Variants in PHLDB2 observed in about 807,000 individuals in gnomAD.
PHLDB2 encodes the protein pleckstrin homology like domain family B member 2.
In PHLDB2, 71 loss-of-function variants were observed where a neutral mutation model predicts 123.6. That is an observed-to-expected ratio of 0.57 (90% confidence interval 0.47 to 0.70). The LOEUF (loss-of-function observed/expected upper bound fraction) is 0.70. Among genes scored for constraint, PHLDB2 ranks in the 30% least tolerant of loss-of-function variants. The pLI, the probability that PHLDB2 is intolerant of heterozygous loss-of-function variation, is 0.00. For synonymous variants in PHLDB2, 547 were observed against 541.6 expected (o/e 1.01, Z -0.14); for missense variants, 1,446 against 1,519.5 (o/e 0.95, Z 0.80).
chr3:111,907,920 C>T (rs2067649432), intron 2 of PHLDB2, among the ~76,000 whole-genome samples: 1 of 152,186 alleles, frequency 6.6e-6, no homozygotes, highest in Non-Finnish European at 1.5e-5. Flanking sequence ...CCTTAGCCTT[C>T]CAAGTAGCTG....
At chr3:111,774,801 T>A (rs6800047) in intron 1 of PHLDB2, among the ~76,000 whole-genome samples, 40,633 of 151,964 alleles carry the variant, frequency 0.27, 6,875 homozygotes, top group African/African-American at 0.48. Context: ...ATTTTCATGA[T>A]CCAGCTCTTT....
At chr3:111,754,021 G>T (rs2059834541) in intron 1 of PHLDB2, among the ~76,000 whole-genome samples, 1 of 152,022 alleles carries the variant, frequency 6.6e-6, no homozygotes, top group South Asian at 2.1e-4. Context: ...CTCTGTTTTG[G>T]TACCAGTACC....
At chr3:111,832,800 A>C (rs189765508) in intron 1 of PHLDB2, among the ~76,000 whole-genome samples, 21 of 38,438 alleles carry the variant, frequency 5.5e-4, no homozygotes, top group Admixed American at 9.5e-4. Context: ...TAATATATAT[A>C]ATAGAATTAT....
chr3:111,907,790 C>A (rs1264813658), intron 2 of PHLDB2, among the ~76,000 whole-genome samples: 1 of 152,006 alleles, frequency 6.6e-6, no homozygotes, highest in African/African-American at 2.4e-5. Flanking sequence ...CCGTGGTCAG[C>A]TATTTTTTTC....
rs181695552 is a variant in PHLDB2, at chr3:111,976,478, T to G, written c.*1915T>G. ...CTGAAAAACTCTGACATCATATTGTTGTCTGTTTACACAGATACATTTATT... is the reference window on the plus strand; with the variant it reads ...CTGAAAAACTCTGACATCATATTGTGGTCTGTTTACACAGATACATTTATT... On this transcript the variant is annotated 3_prime_UTR_variant, in exon 18 of 18. Coordinates refer to ENST00000431670, the MANE Select transcript of PHLDB2 (RefSeq NM_001134438.2). 6.6e-6 allele frequency: 1 copy of G among 152,334 alleles called. No individual in the cohort carries two copies. The highest frequency in any genetic ancestry group is 6.5e-5 in the Admixed American group (1 of 15,308). 9.4% of individuals were successfully genotyped at this position (152,334 alleles called of 1,614,324 possible). A position where few individuals can be genotyped will look rare whatever the true frequency, so the allele number is the denominator to read the frequency against.
In PHLDB2 at chr3:111,884,925, G is replaced by A. The variant is rs770741178; in HGVS notation, c.848G>A (p.Arg283Gln). ...AGAAACTCTCTGGGCAATTCCAAAC[G>A]AACAAAACTTGGGGAAAAGGATCTA... is the stretch of plus-strand genomic sequence containing the variant. ...PPRNSLGNSK[R>Q]TKLGEKDLPH... The change falls in exon 2 of 18, where the codon CGA becomes CAA. Residue 283 changes from arginine (R) to glutamine (Q), a missense_variant. Arg to Gln is a conservative substitution (Grantham distance 43). This residue lies in a region of PHLDB2 where 832 missense variants were observed against 831.9 expected (regional missense o/e 1.00). Transcript: ENST00000431670. 7 of 1,613,792 alleles carry A rather than the reference G, an allele frequency of 4.3e-6. No homozygotes were observed. The highest frequency in any genetic ancestry group is 3.3e-4 in the Middle Eastern group (2 of 6,084).
intron 16 of PHLDB2, among the ~76,000 whole-genome samples, chr3:111,972,382 ACT>A (rs1239213686): frequency 1.3e-5 from 2 of 152,060 alleles, no homozygotes; most frequent in African/African-American, 4.8e-5. Flanking sequence ...AAATAGTTTT[ACT>A]CTCTGCTGAA....
At chr3:111,873,860 C>T (rs57821301) in intron 1 of PHLDB2, among the ~76,000 whole-genome samples, 10,098 of 152,178 alleles carry the variant, frequency 0.066, 367 homozygotes, top group Middle Eastern at 0.078. Flanking sequence ...AGGCATGCTG[C>T]TTGGACCCAG....
intron 1 of PHLDB2, among the ~76,000 whole-genome samples, chr3:111,780,636 C>A (rs2060440296): frequency 1.3e-5 from 2 of 151,932 alleles, no homozygotes; most frequent in African/African-American, 4.8e-5. Flanking sequence ...CATCTCAGAA[C>A]CATATGAGTT....
intron 1 of PHLDB2, among the ~76,000 whole-genome samples, chr3:111,747,825 T>C (rs2059704347): frequency 1.3e-5 from 2 of 152,254 alleles, no homozygotes; most frequent in East Asian, 1.9e-4. Flanking sequence ...TGTGTCTTTT[T>C]GTATAACTAA....
At position 111,919,082 on chromosome 3, in the gene PHLDB2, G is replaced by T; in HGVS notation, c.1730G>T (p.Gly577Val). 6.2e-7 allele frequency: 1 copy of T among 1,613,922 alleles called. No individual in the cohort carries two copies. The highest frequency in any genetic ancestry group is 8.5e-7 in the Non-Finnish European group (1 of 1,179,800). ...YLSILPKTPE[G>V]ISEEQRSQEL... ...GTTGATTAATCGCAGACCCCAGAGG[G>T]TATAAGTGAAGAACAGAGATCTCAG... Residue 577 changes from glycine to valine, a missense_variant, in exon 4 of 18, where the codon GGT becomes GTT. Transcript: ENST00000431670.
Position 111,976,027 on chromosome 3 carries a change from T to A in PHLDB2, c.*1464T>A, listed in dbSNP as rs1437754078. On this transcript the variant is annotated 3_prime_UTR_variant, in exon 18 of 18. Coordinates refer to ENST00000431670, the MANE Select transcript of PHLDB2 (RefSeq NM_001134438.2). ...ACAAAAATCATGATTGTGGAAGATATTTTTAAAATCTGATTTTGCAGCGAT... is the reference window on the plus strand; with the variant it reads ...ACAAAAATCATGATTGTGGAAGATAATTTTAAAATCTGATTTTGCAGCGAT... 1 of 152,688 alleles carries A rather than the reference T, an allele frequency of 6.5e-6. No homozygotes were observed. The highest frequency in any genetic ancestry group is 1.5e-5 in the Non-Finnish European group (1 of 68,040). The allele number at this position is 152,688 out of a possible 1,614,324, so 9.5% of individuals were successfully genotyped here. A position where few individuals can be genotyped will look rare whatever the true frequency, so the allele number is the denominator to read the frequency against.
intron 13 of PHLDB2, among the ~76,000 whole-genome samples, chr3:111,962,960 A>AAAAGAAAAGG (rs2071508265): frequency 6.6e-6 from 1 of 151,984 alleles, no homozygotes; most frequent in South Asian, 2.1e-4. Context: ...GAAAGAAAGA[A>AAAAGAAAAGG]AAAGAAAAGG....
intron 1 of PHLDB2, among the ~76,000 whole-genome samples, chr3:111,874,881 A>C (rs1039770289): frequency 5.3e-5 from 8 of 152,232 alleles, no homozygotes; most frequent in African/African-American, 1.9e-4. Context: ...CAATAAACAG[A>C]ACTACTCAAA....
chr3:111,860,297 C>G (rs562696383), intron 1 of PHLDB2, among the ~76,000 whole-genome samples: 3 of 152,184 alleles, frequency 2.0e-5, no homozygotes, highest in African/African-American at 7.2e-5. Context: ...CACTTTCTTT[C>G]AAGAGTGAAC....
chr3:111,877,268 G>A (rs1489033497), intron 1 of PHLDB2, among the ~76,000 whole-genome samples: 1 of 152,238 alleles, frequency 6.6e-6, no homozygotes, highest in Non-Finnish European at 1.5e-5. Flanking sequence ...CTTTCTAACT[G>A]GTGTGAGATG....
intron 2 of PHLDB2, among the ~76,000 whole-genome samples, chr3:111,908,394 A>ATTAGTAAATT (rs1420587125): frequency 6.6e-6 from 1 of 152,172 alleles, no homozygotes; most frequent in East Asian, 1.9e-4. Flanking sequence ...GTAGAAGTCC[A>ATTAGTAAATT]TTAGTAAAAT....
Position 111,884,739 on chromosome 3 carries a change from C to A in PHLDB2, c.662C>A (p.Pro221His), listed in dbSNP as rs1268348019. The A allele has an allele frequency of 6.2e-7, 1 of 1,614,054 alleles. No homozygotes were observed. The highest frequency in any genetic ancestry group is 2.2e-5 in the East Asian group (1 of 44,862). ...MSIQDSLALQ[P>H]KLTRHKELAS... ...ATTCAGGACAGCCTGGCGCTTCAAC[C>A]CAAGTTAACTAGACACAAGGAGCTT... The change falls in exon 2 of 18, where the codon CCC becomes CAC. Residue 221 changes from proline to histidine, a missense_variant. Coordinates refer to ENST00000431670, the MANE Select transcript of PHLDB2 (RefSeq NM_001134438.2).
intron 1 of PHLDB2, among the ~76,000 whole-genome samples, chr3:111,839,208 C>G (rs2108538835): frequency 6.8e-6 from 1 of 147,960 alleles, no homozygotes; most frequent in East Asian, 2.0e-4. Flanking sequence ...AACAAACAAA[C>G]AAAAACATTA....
Sources: gnomAD v4.1 joint callset for allele counts (sites outside exome capture counted in the v4.1 genomes callset) on GRCh38, gnomAD v4.1.1 for gene constraint, gnomAD v4.1.1 regional missense constraint, MANE v1.5 for transcripts, NCBI Gene and HGNC (gene_info 2026-07-23, HGNC 2026-07-21) for gene names.